The following KAZN variants were observed in gnomAD, a reference collection of about 807,000 sequenced individuals.
KAZN encodes kazrin, periplakin interacting protein.
Under a neutral mutation model 87.4 loss-of-function variants are expected in KAZN, and 40 were observed. The observed-to-expected ratio is 0.46, with a 90% CI of 0.36 to 0.60. The LOEUF (loss-of-function observed/expected upper bound fraction) is 0.60, where lower values mean the gene tolerates loss of function less well. Among genes scored for constraint, KAZN ranks in the 20% least tolerant of loss-of-function variants. The pLI is 0.00. For missense variants in KAZN, 898 were observed against 1,073.9 expected (o/e 0.84, Z 2.29); for synonymous variants, 466 against 458.3 (o/e 1.02, Z -0.22).
In KAZN at chr1:14,486,841, C is replaced by T. The variant is rs12038425; in HGVS notation, c.250-112142C>T. Among the ~76,000 whole-genome samples the T allele has an allele frequency of 1.3e-4, 20 of 152,328 alleles. No individual in the cohort carries two copies. The East Asian group carries it at 3.9e-3, about 29-fold the overall frequency. The stretch of plus-strand genomic sequence containing the variant: ...GGGAAGTGCCAGGCATAATATTATA[C>T]TTGCCAGGCCATCGGTTTGACCTCG... On this transcript the variant is annotated intron_variant, in intron 2 of 16. Coordinates refer to the KAZN transcript ENST00000636203.
At chr1:14,627,302 G>A (rs1174552920) in intron 1 of KAZN, among the ~76,000 whole-genome samples, 2 of 152,064 alleles carry the variant, frequency 1.3e-5, no homozygotes, top group Non-Finnish European at 2.9e-5. Context: ...GCTGCAGCCT[G>A]CTTAGTGTGC....
intron 5 of KAZN, among the ~76,000 whole-genome samples, chr1:15,058,253 A>G (rs976974501): frequency 6.6e-6 from 1 of 152,214 alleles, no homozygotes; most frequent in African/African-American, 2.4e-5. Flanking sequence ...CCCATGTTAC[A>G]CATAACAAAC....
rs562380080 is a variant in KAZN at position 14,447,726 on chromosome 1, GTC to G, written c.250-151252_250-151251del. ...CGTCTCCTCAGCCATGGGGTTGGGG[GTC>G]TCTCATTCTGGGAGGGGGCGCTGTC... On this transcript the variant is annotated intron_variant, in intron 2 of 16. Transcript: ENST00000636203. Among the ~76,000 whole-genome samples the G allele has an allele frequency of 2.4e-3, 363 of 152,222 alleles. 3 individuals carry two copies. Among genetic ancestry groups the G allele is most frequent in the Non-Finnish European group, 3.6e-3 (247 of 68,022 alleles).
At chr1:14,198,053 C>T (rs774044492) in intron 2 of KAZN, among the ~76,000 whole-genome samples, 4 of 151,872 alleles carry the variant, frequency 2.6e-5, no homozygotes, top group African/African-American at 4.8e-5. Flanking sequence ...TTGTTGTAGT[C>T]GTAGTAAAAA....
intron 2 of KAZN, among the ~76,000 whole-genome samples, chr1:14,301,236 G>T (rs192993379): frequency 3.5e-4 from 54 of 152,230 alleles, no homozygotes; most frequent in Non-Finnish European, 5.9e-4. Flanking sequence ...TCACATACCC[G>T]GTTGCATTTG....
chr1:14,910,089 G>A (rs1362430228), intron 1 of KAZN, among the ~76,000 whole-genome samples: 5 of 152,106 alleles, frequency 3.3e-5, no homozygotes, highest in Non-Finnish European at 5.9e-5. Context: ...ATGAATGAAT[G>A]AATGCCTGGC....
At chr1:15,049,327 G>A (rs1269305165) in intron 4 of KAZN, among the ~76,000 whole-genome samples, 4 of 152,234 alleles carry the variant, frequency 2.6e-5, no homozygotes, top group African/African-American at 9.6e-5. Flanking sequence ...TCTCCAGCAC[G>A]GGAAATGCTC....
chr1:14,454,752 T>G (rs1047189198), intron 2 of KAZN, among the ~76,000 whole-genome samples: 4 of 152,258 alleles, frequency 2.6e-5, no homozygotes, highest in Non-Finnish European at 5.9e-5. Flanking sequence ...GTGTTGGCCA[T>G]GCTTGGTCAG....
intron 1 of KAZN, among the ~76,000 whole-genome samples, chr1:14,606,222 T>C (rs1173384533): frequency 3.9e-5 from 6 of 152,216 alleles, no homozygotes; most frequent in Non-Finnish European, 8.8e-5. Flanking sequence ...TGTGTATGCT[T>C]CTCTGCCCTG....
chr1:14,059,454 C>A (rs1642703927), intron 1 of KAZN, among the ~76,000 whole-genome samples: 1 of 152,156 alleles, frequency 6.6e-6, no homozygotes, highest in Non-Finnish European at 1.5e-5. Flanking sequence ...AGAAAGGAGC[C>A]AGAAGACCCA....
chr1:14,819,818 CT>C (rs1303502479), intron 1 of KAZN, among the ~76,000 whole-genome samples: 3 of 150,924 alleles, frequency 2.0e-5, no homozygotes, highest in African/African-American at 7.3e-5. Flanking sequence ...AGCAATTCTC[CT>C]CCCTCAACCT....
intron 1 of KAZN, among the ~76,000 whole-genome samples, chr1:14,098,150 G>A (rs868616686): frequency 6.6e-6 from 1 of 152,002 alleles, no homozygotes; most frequent in African/African-American, 2.4e-5. Context: ...GCCTTGTGCT[G>A]CCTCAGTCAT....
chr1:14,195,937 G>T (rs533620531), intron 2 of KAZN, among the ~76,000 whole-genome samples: 1 of 152,138 alleles, frequency 6.6e-6, no homozygotes, highest in Non-Finnish European at 1.5e-5. Flanking sequence ...AAGGAAATAA[G>T]GTAGAGTCAG....
intron 1 of KAZN, among the ~76,000 whole-genome samples, chr1:14,908,656 G>A (rs990806550): frequency 3.3e-5 from 5 of 152,204 alleles, no homozygotes; most frequent in African/African-American, 1.2e-4. Flanking sequence ...GGTTGAGGCT[G>A]CAGTGAACCC....
At chr1:13,952,377 A>G (rs867477915) in intron 1 of KAZN, among the ~76,000 whole-genome samples, 2 of 125,964 alleles carry the variant, frequency 1.6e-5, no homozygotes, top group East Asian at 4.2e-4. Context: ...AATAATAATA[A>G]TATCAATATC....
At position 13,983,166 on chromosome 1, in the gene KAZN, C is replaced by T. The variant is rs191220485; in HGVS notation, c.91+89410C>T. Among the ~76,000 whole-genome samples, 538 of 152,390 alleles carry T rather than the reference C, an allele frequency of 3.5e-3. 2 individuals carry two copies. The highest frequency in any genetic ancestry group is 0.012 in the African/African-American group (502 of 41,604). On this transcript the variant is annotated intron_variant, in intron 1 of 16. Coordinates refer to the KAZN transcript ENST00000636203. ...GGCAGTCCCGCGCCCTGCGCCTGCA[C>T]TCCTCAGCCCTTGGGTGGTCGATGG...
intron 2 of KAZN, among the ~76,000 whole-genome samples, chr1:14,505,464 G>A (rs1255882227): frequency 2.0e-5 from 3 of 152,154 alleles, no homozygotes; most frequent in Non-Finnish European, 2.9e-5. Context: ...GAGATTGAAT[G>A]CTCGAAAGTT....
intron 2 of KAZN, among the ~76,000 whole-genome samples, chr1:14,971,156 T>C (rs1261395771): frequency 6.6e-6 from 1 of 152,144 alleles, no homozygotes; most frequent in Non-Finnish European, 1.5e-5. Flanking sequence ...TACCATCACT[T>C]TGAGAGGCCA....
intron 2 of KAZN, among the ~76,000 whole-genome samples, chr1:14,305,174 G>C (rs1654835720): frequency 6.6e-6 from 1 of 152,052 alleles, no homozygotes; most frequent in Non-Finnish European, 1.5e-5. Context: ...AGTCAGCTGA[G>C]GAAAAGACTG....
Sources: gnomAD v4.1 joint callset for allele counts (sites outside exome capture counted in the v4.1 genomes callset) on GRCh38, gnomAD v4.1.1 for gene constraint, MANE v1.5 for transcripts, NCBI Gene and HGNC (gene_info 2026-07-23, HGNC 2026-07-21) for gene names.